The following TKT variants were observed in gnomAD, a reference collection of about 807,000 sequenced individuals.
TKT encodes the protein epididymis luminal protein 107.
A neutral mutation model predicts 63.9 loss-of-function variants in TKT; 47 were observed. The observed-to-expected ratio is 0.74, with a 90% CI of 0.58 to 0.94. The LOEUF is 0.94. Among genes scored for constraint, TKT ranks in the 40% least tolerant of loss-of-function variants. The pLI, the probability that TKT is intolerant of heterozygous loss-of-function variation, is 0.00. For synonymous variants in TKT, 338 were observed against 334.1 expected, an observed-to-expected ratio of 1.01 and a Z score of -0.13; for missense variants, 721 against 846.2, an observed-to-expected ratio of 0.85 and a Z score of 1.84.
Position 53,235,159 on chromosome 3 carries a change from G to A in TKT, c.453C>T (p.Cys151=). Residue 151 remains cysteine, a synonymous_variant, in exon 5 of 14, where the codon TGC becomes TGT. Transcript: ENST00000462138. ...CTGACAGCTCCCCGTCTCCCAGCAA[G>A]CAATAGACTCGGTAGCTGTGGACAG... ...YFDKASYRVY[C]LLGDGELSEG... is the part of the protein sequence containing the mutation. 2 of 1,612,228 alleles carry A rather than the reference G, an allele frequency of 1.2e-6. No homozygotes were observed. The highest frequency in any genetic ancestry group is 2.7e-5 in the African/African-American group (2 of 75,040).
intron 1 of TKT, among the ~76,000 whole-genome samples, chr3:53,250,530 G>C (rs1419044926): frequency 6.6e-6 from 1 of 152,142 alleles, no homozygotes; most frequent in African/African-American, 2.4e-5. Context: ...AGTACTCTAG[G>C]GAAGCTGAGG....
intron 7 of TKT, among the ~76,000 whole-genome samples, chr3:53,230,825 T>TGG (rs10666288): frequency 6.6e-6 from 1 of 152,100 alleles, no homozygotes; most frequent in Non-Finnish European, 1.5e-5. Context: ...CCCCGGCCCC[T>TGG]TCTGGCTGTG....
intron 1 of TKT, among the ~76,000 whole-genome samples, chr3:53,251,045 ACAGGCATGAGCCAC>A: frequency 6.6e-6 from 1 of 152,282 alleles, no homozygotes; most frequent in South Asian, 2.1e-4. Flanking sequence ...TGCTGTGAAT[ACAGGCATGAGCCAC>A]CGCACCTGGC....
At position 53,233,283 on chromosome 3, in the gene TKT, A is replaced by AG. The variant is rs781893789; in HGVS notation, c.630-10dup. On this transcript the variant is annotated splice_polypyrimidine_tract_variant and intron_variant, in intron 5 of 13. Transcript: ENST00000462138. ...CGATGATGGCATGCCAACTGGGGAC[A>AG]GGGGGCAGAGAGTAAGGGGCAATTC... 2.5e-6 allele frequency: 4 copies of AG among 1,605,250 alleles called. No individual in the cohort carries two copies. In the South Asian group the frequency reaches 3.3e-5, roughly 13 times the overall value.
intron 1 of TKT, among the ~76,000 whole-genome samples, chr3:53,249,926 C>A (rs1553681424): frequency 1.3e-5 from 2 of 152,220 alleles, no homozygotes; most frequent in South Asian, 2.1e-4. Context: ...ACAGTGACAA[C>A]AAGCCTGCCA....
intron 4 of TKT, among the ~76,000 whole-genome samples, chr3:53,238,652 C>A (rs1477800912): frequency 3.3e-5 from 5 of 152,252 alleles, no homozygotes; most frequent in Non-Finnish European, 7.3e-5. Context: ...GCTGGCCCCA[C>A]TGGCCTTCCT....
chr3:53,245,076 G>A (rs904772129), intron 1 of TKT, among the ~76,000 whole-genome samples: 1 of 151,830 alleles, frequency 6.6e-6, no homozygotes, highest in South Asian at 2.1e-4. Context: ...GGTCAAGGCA[G>A]GCGGATCACC....
At chr3:53,244,711 T>C (rs1219144261) in intron 1 of TKT, among the ~76,000 whole-genome samples, 2 of 152,076 alleles carry the variant, frequency 1.3e-5, no homozygotes, top group Non-Finnish European at 2.9e-5. Context: ...TTCCTGCCAT[T>C]CCAGACTGCC....
intron 1 of TKT, among the ~76,000 whole-genome samples, chr3:53,253,959 C>T (rs1445372298): frequency 6.6e-6 from 1 of 152,098 alleles, no homozygotes; most frequent in Admixed American, 6.5e-5. Flanking sequence ...GCCACCAATT[C>T]CCAGCCTGGG....
At chr3:53,228,177 G>C (rs370185013) in intron 11 of TKT, 28 bp from the exon 12 acceptor site, 16 of 1,613,634 alleles carry the variant, frequency 9.9e-6, no homozygotes, top group African/African-American at 1.3e-5. Flanking sequence ...GGTGAGTAAG[G>C]CTCAGGGCCC....
chr3:53,231,787 C>G (rs1486148399), intron 6 of TKT: 4 of 533,920 alleles, frequency 7.5e-6, no homozygotes, highest in African/African-American at 1.9e-5. Context: ...TGGGAGCTCA[C>G]AGCTGAGTGG....
intron 3 of TKT, among the ~76,000 whole-genome samples, chr3:53,240,666 C>T (rs1553679607): frequency 6.6e-6 from 1 of 152,210 alleles, no homozygotes. Context: ...ATTGACAGAA[C>T]ATTTGCCCCT....
In TKT at chr3:53,230,598, C is replaced by T. The variant is rs1553676807; in HGVS notation, c.966G>A (p.Gly322=). 3 of 1,614,206 alleles carry T rather than the reference C, an allele frequency of 1.9e-6. No homozygotes were observed. Among genetic ancestry groups the T allele is most frequent in the Non-Finnish European group, 2.5e-6 (3 of 1,180,038 alleles). ...GDKIATRKAY[G]QALAKLGHAS... is the part of the protein sequence containing the mutation. ...CATGGCCCAGCTTGGCCAGTGCCTGCCCGTAGGCCTTGCGGGTGGCTATCT... is the reference window on the plus strand; with the variant it reads ...CATGGCCCAGCTTGGCCAGTGCCTGTCCGTAGGCCTTGCGGGTGGCTATCT... The change falls in exon 8 of 14, where the codon GGG becomes GGA. Residue 322 remains glycine, a synonymous_variant. Coordinates refer to ENST00000462138, the MANE Select transcript of TKT (RefSeq NM_001064.4).
Position 53,228,271 on chromosome 3 carries a change from C to G in TKT, c.1479+5G>C, listed in dbSNP as rs782231917. On this transcript the variant is annotated splice_donor_5th_base_variant and intron_variant, in intron 11 of 13. Transcript: ENST00000462138. ...GTGGGCTCCTGGGGCATGCGAGGCA[C>G]TGACCTTGGCTTGTCCGACCTGGAA... The G allele has an allele frequency of 6.2e-7, 1 of 1,614,222 alleles. No individual in the cohort carries two copies. The highest frequency in any genetic ancestry group is 2.2e-5 in the East Asian group (1 of 44,876).
At chr3:53,244,750 C>T (rs904802453) in intron 1 of TKT, among the ~76,000 whole-genome samples, 17 of 152,046 alleles carry the variant, frequency 1.1e-4, no homozygotes, top group South Asian at 6.2e-4. Flanking sequence ...CGCCCCATCC[C>T]GTGGTGCTGT....
intron 1 of TKT, among the ~76,000 whole-genome samples, chr3:53,253,685 A>G (rs1575577319): frequency 6.6e-6 from 1 of 152,174 alleles, no homozygotes; most frequent in Non-Finnish European, 1.5e-5. Context: ...AATCAGTTGA[A>G]CCTGGGAGGC....
At chr3:53,244,885 C>CAAA (rs11297416) in intron 1 of TKT, among the ~76,000 whole-genome samples, 3 of 117,388 alleles carry the variant, frequency 2.6e-5, no homozygotes, top group African/African-American at 3.5e-5. Context: ...CTTGACTGTT[C>CAAA]AAAAAAAAAA....
rs539206539 is a variant in TKT, at chr3:53,255,085, C to A, written c.107+751G>T. Among the ~76,000 whole-genome samples the A allele has an allele frequency of 2.0e-5, 3 of 152,308 alleles. No homozygotes were observed. The South Asian group carries it at 6.2e-4, about 32-fold the overall frequency. ...CTCCCGCCCCAGGTCAAATCTTAGA[C>A]CTCCTTTTCACAATGGATCCCAGGG... On this transcript the variant is annotated intron_variant, in intron 1 of 13. Transcript: ENST00000462138.
At chr3:53,227,037 CAT>C in intron 12 of TKT, 159 bp from the exon 13 acceptor site, 1 of 851,414 alleles carries the variant, frequency 1.2e-6, no homozygotes, top group South Asian at 1.8e-5. Context: ...ACCTCGTTCC[CAT>C]GGCTGAGCTC....
Sources: allele counts gnomAD v4.1 joint callset (sites outside exome capture counted in the v4.1 genomes callset), GRCh38; gene constraint gnomAD v4.1.1; transcripts MANE v1.5; gene names NCBI Gene and HGNC (gene_info 2026-07-23, HGNC 2026-07-21).